The following ROS1 variants were observed in gnomAD, a reference collection of about 807,000 sequenced individuals.
The protein encoded by ROS1 is ROS proto-oncogene 1, receptor tyrosine kinase, also known as proto-oncogene tyrosine-protein kinase ROS.
Under a neutral mutation model 273.5 loss-of-function variants are expected in ROS1, and 263 were observed. That is an observed-to-expected ratio of 0.96 (90% CI 0.87 to 1.06). The LOEUF is 1.06. Ranked by LOEUF, ROS1 falls within the 50% of genes least tolerant of loss-of-function variation. ROS1 has a pLI of 0.00. For missense variants in ROS1, 2,833 were observed against 2,751.1 expected (o/e 1.03, Z -0.67); for synonymous variants, 1,008 against 954.1 (o/e 1.06, Z -1.04).
intron 31 of ROS1, among the ~76,000 whole-genome samples, chr6:117,338,142 G>T (rs753741938): frequency 6.6e-6 from 1 of 152,036 alleles, no homozygotes. Context: ...ATGGCAATTT[G>T]TCAGGGGTTC....
chr6:117,308,300 T>C (rs1448896545), intron 42 of ROS1, among the ~76,000 whole-genome samples: 1 of 152,166 alleles, frequency 6.6e-6, no homozygotes, highest in Non-Finnish European at 1.5e-5. Flanking sequence ...CATAAACAGG[T>C]CACAACCTGT....
Position 117,397,132 on chromosome 6 carries a change from G to C in ROS1, c.605-16C>G. The C allele has an allele frequency of 6.5e-7, 1 of 1,528,498 alleles. No individual in the cohort carries two copies. Among genetic ancestry groups the C allele is most frequent in the Non-Finnish European group, 9.0e-7 (1 of 1,105,836 alleles). The allele number at this position is 1,528,498 out of a possible 1,614,324, so 94.7% of individuals were successfully genotyped here. ...GTTTCAGGAACTGGAAGAGATAATGGTGACATAATGAGCAGAAAAATGTGC... is the reference window on the plus strand; with the variant it reads ...GTTTCAGGAACTGGAAGAGATAATGCTGACATAATGAGCAGAAAAATGTGC... On this transcript the variant is annotated splice_polypyrimidine_tract_variant and intron_variant, in intron 7 of 43. Coordinates refer to ENST00000368507, the MANE Select transcript of ROS1 (RefSeq NM_001378902.1).
At chr6:117,367,945 C>T (rs1269145458) in intron 18 of ROS1, among the ~76,000 whole-genome samples, 3 of 152,102 alleles carry the variant, frequency 2.0e-5, no homozygotes, top group African/African-American at 7.2e-5. Flanking sequence ...CCCATTGAAC[C>T]ACGCCTTCCT....
At position 117,344,196 on chromosome 6, in the gene ROS1, C is replaced by T. The variant is rs1312553343; in HGVS notation, c.4370G>A (p.Ser1457Asn). 5.0e-6 allele frequency: 8 copies of T among 1,613,832 alleles called. No homozygotes were observed. The highest frequency in any genetic ancestry group is 6.8e-6 in the Non-Finnish European group (8 of 1,179,948). The change falls in exon 28 of 44, where the codon AGC (serine) becomes AAC (asparagine). Residue 1457 changes from serine to asparagine, a missense_variant. Physicochemically the swap from Ser to Asn is conservative, Grantham distance 46. Transcript: ENST00000368507. The part of the protein sequence containing the change: ...EPTILNATNT[S>N]LTIRLPLAKT... ...GGCCAGAGGTAATCTGATTGTGAGG[C>T]TAGTGTTAGTGGCATTAAGTATAGT... is the stretch of plus-strand genomic sequence containing the variant.
At chr6:117,404,214 C>A in intron 6 of ROS1, 66 bp downstream of exon 6, 1 of 1,401,512 alleles carries the variant, frequency 7.1e-7, no homozygotes. Flanking sequence ...GAGCGAGACT[C>A]CGTCTCAAAA....
In ROS1 at chr6:117,353,126, T is replaced by C. The variant is rs1779015011; in HGVS notation, c.4167A>G (p.Ile1389Met). The change falls in exon 27 of 44, where the codon ATA (isoleucine) becomes ATG (methionine). Residue 1389 changes from isoleucine to methionine, a missense_variant. Coordinates refer to ENST00000368507, the MANE Select transcript of ROS1 (RefSeq NM_001378902.1). ...TGTCCTTTGCTGTGATGATCCAGTA[T>C]ATAAGATCTCCATCCACAGTTAAGC... ...LVSLTVDGDL[I>M]YWIITAKDST... is the part of the protein sequence containing the mutation. The C allele has an allele frequency of 2.5e-6, 4 of 1,613,540 alleles. No homozygotes were observed. The South Asian group carries it at 3.3e-5, about 13-fold the overall frequency.
chr6:117,288,451 G>T lies in ROS1; in HGVS notation c.*41C>A. Reference sequence around the variant, plus strand: ...AGTTTTCTTTCAGTAACTACTGAATGAGAGTGTTTATCTCAACTCTCTATT... The same window carrying T: ...AGTTTTCTTTCAGTAACTACTGAATTAGAGTGTTTATCTCAACTCTCTATT... On this transcript the variant is annotated 3_prime_UTR_variant, in exon 44 of 44. Coordinates refer to ENST00000368507, the MANE Select transcript of ROS1 (RefSeq NM_001378902.1). 2 of 1,481,222 alleles carry T rather than the reference G, an allele frequency of 1.4e-6. No individual in the cohort carries two copies. The highest frequency in any genetic ancestry group is 1.8e-6 in the Non-Finnish European group (2 of 1,082,758). The allele number at this position is 1,481,222 out of a possible 1,614,324, so 91.8% of individuals were successfully genotyped here. A position where few individuals can be genotyped will look rare whatever the true frequency, so the allele number is the denominator to read the frequency against.
chr6:117,358,663 T>C (rs1562311798), intron 24 of ROS1, among the ~76,000 whole-genome samples: 1 of 152,144 alleles, frequency 6.6e-6, no homozygotes, highest in Non-Finnish European at 1.5e-5. Context: ...TTTCACCATG[T>C]TGGCCAGGCT....
At chr6:117,316,683 C>T (rs1056705231) in intron 39 of ROS1, among the ~76,000 whole-genome samples, 3 of 151,432 alleles carry the variant, frequency 2.0e-5, no homozygotes, top group Non-Finnish European at 2.9e-5. Flanking sequence ...AGAGGACGTA[C>T]GAAATCAAGA....
chr6:117,365,564 T>G lies in ROS1; in HGVS notation c.2958+17A>C. 10 of 1,608,036 alleles carry G rather than the reference T, an allele frequency of 6.2e-6. No homozygotes were observed. Among genetic ancestry groups the G allele is most frequent in the Non-Finnish European group, 8.5e-6 (10 of 1,174,556 alleles). ...AGTCTGTTTGGGAAATGAAAGTTAC[T>G]AGAACCAACACCATACCTTAGAATG... is the stretch of plus-strand genomic sequence containing the variant. On this transcript the variant is annotated intron_variant, in intron 20 of 43. Transcript: ENST00000368507.
At chr6:117,390,844 G>C (rs1403511154) in intron 12 of ROS1, among the ~76,000 whole-genome samples, 1 of 152,040 alleles carries the variant, frequency 6.6e-6, no homozygotes, top group Non-Finnish European at 1.5e-5. Flanking sequence ...AACGAGGCAG[G>C]TTATTTTAAT....
At chr6:117,354,241 T>C (rs970564478) in intron 26 of ROS1, among the ~76,000 whole-genome samples, 3 of 151,940 alleles carry the variant, frequency 2.0e-5, no homozygotes, top group African/African-American at 7.3e-5. Flanking sequence ...TAGTCCCAGC[T>C]ACTTGGGAGA....
intron 26 of ROS1, among the ~76,000 whole-genome samples, chr6:117,355,841 C>T (rs1779261759): frequency 6.6e-6 from 1 of 151,962 alleles, no homozygotes. Context: ...GAACTCCTGA[C>T]CTCAAGTGAT....
intron 35 of ROS1, 128 bp downstream of exon 35, chr6:117,324,204 A>T (rs1776476187): frequency 1.6e-6 from 1 of 619,492 alleles, no homozygotes; most frequent in East Asian, 3.0e-5. Flanking sequence ...CAAAGGTAAC[A>T]ATGTAAATTT....
intron 26 of ROS1, among the ~76,000 whole-genome samples, chr6:117,354,748 T>G (rs1403996881): frequency 6.6e-6 from 1 of 152,224 alleles, no homozygotes; most frequent in Non-Finnish European, 1.5e-5. Context: ...ACTAGGTAAT[T>G]CTTGTGTCTT....
At chr6:117,405,929 A>G (rs1774363050) in intron 5 of ROS1, among the ~76,000 whole-genome samples, 1 of 152,210 alleles carries the variant, frequency 6.6e-6, no homozygotes, top group Admixed American at 6.5e-5. Flanking sequence ...AACTCTGAGG[A>G]CAAAAGGAGC....
intron 6 of ROS1, among the ~76,000 whole-genome samples, chr6:117,403,695 T>C (rs1204743413): frequency 4.6e-5 from 7 of 152,158 alleles, no homozygotes. Context: ...TTAGCTGTGA[T>C]GGGCAGATAA....
At chr6:117,366,385 T>G in intron 18 of ROS1, 95 bp from the exon 19 acceptor site, 1 of 795,300 alleles carries the variant, frequency 1.3e-6, no homozygotes, top group Non-Finnish European at 2.2e-6. Flanking sequence ...TGTGAGTATC[T>G]GTACGCATTT....
intron 28 of ROS1, 149 bp downstream of exon 28, chr6:117,343,911 C>T (rs1778148786): frequency 6.3e-6 from 4 of 639,978 alleles, no homozygotes; most frequent in Non-Finnish European, 1.1e-5. Context: ...AAAACTAGAA[C>T]ACAATATGTT....
Sources: allele counts gnomAD v4.1 joint callset (sites outside exome capture counted in the v4.1 genomes callset), GRCh38; gene constraint gnomAD v4.1.1; transcripts MANE v1.5; gene names NCBI Gene and HGNC (gene_info 2026-07-23, HGNC 2026-07-21).